Variants in SIPA1L3 observed in about 807,000 individuals in gnomAD.
SIPA1L3 encodes signal-induced proliferation-associated 1-like protein 3.
A neutral mutation model predicts 150.1 loss-of-function variants in SIPA1L3; 59 were observed. The ratio of observed to expected loss-of-function variants is 0.39; its 90% CI spans 0.32 to 0.49. The LOEUF (loss-of-function observed/expected upper bound fraction) is 0.49. SIPA1L3 is among the 20% of genes least tolerant of loss of function. The pLI is 0.86. For missense variants in SIPA1L3, 2,211 were observed against 2,489.5 expected (o/e 0.89, Z 2.38); for synonymous variants, 1,070 against 1,077.6 (o/e 0.99, Z 0.14).
chr19:38,138,215 G>A (rs543530853), intron 10 of SIPA1L3, among the ~76,000 whole-genome samples: 8 of 152,234 alleles, frequency 5.3e-5, no homozygotes, highest in East Asian at 3.9e-4. Flanking sequence ...ACCACTCTAC[G>A]GTGGGGCCAT....
At chr19:38,067,237 T>G (rs1182285670) in intron 2 of SIPA1L3, among the ~76,000 whole-genome samples, 2 of 151,968 alleles carry the variant, frequency 1.3e-5, no homozygotes, top group African/African-American at 4.8e-5. Context: ...ATTTAAAATT[T>G]TGATGCACAG....
intron 1 of SIPA1L3, chr19:37,932,260 G>A (rs867107263): frequency 1.4e-4 from 22 of 152,348 alleles, no homozygotes; most frequent in African/African-American, 5.1e-4. Flanking sequence ...GCCTGAATCC[G>A]AGGTAATAGG....
At chr19:38,049,772 T>C (rs1725460) in intron 2 of SIPA1L3, among the ~76,000 whole-genome samples, 61,397 of 151,802 alleles carry the variant, frequency 0.4, 14,034 homozygotes, top group African/African-American at 0.63. Flanking sequence ...CTGACCCGCG[T>C]TCCCCCGAGA....
At chr19:38,045,563 C>A (rs1036453636) in intron 2 of SIPA1L3, among the ~76,000 whole-genome samples, 3 of 151,886 alleles carry the variant, frequency 2.0e-5, no homozygotes, top group African/African-American at 4.8e-5. Flanking sequence ...CAGAGCAAGA[C>A]CTTGTCTCAG....
intron 3 of SIPA1L3, among the ~76,000 whole-genome samples, chr19:38,083,307 A>G (rs1213033483): frequency 6.6e-6 from 1 of 152,174 alleles, no homozygotes; most frequent in African/African-American, 2.4e-5. Flanking sequence ...AGCACTCCAT[A>G]AACCTTGAGC....
chr19:38,141,057 CAAAAAA>C lies in SIPA1L3; in HGVS notation c.3144-107_3144-102del, dbSNP rs551813100. Reference sequence around the variant, plus strand: ...TGGGCGACAAAGCAAGACTCTGTCTCAAAAAAAAAAAAAAAAAAAAAAAAAGCCATC... The same window carrying C: ...TGGGCGACAAAGCAAGACTCTGTCTCAAAAAAAAAAAAAAAAAAAGCCATC... On this transcript the variant is annotated intron_variant, in intron 10 of 21. Coordinates refer to ENST00000222345, the MANE Select transcript of SIPA1L3 (RefSeq NM_015073.3). 4.3e-3 allele frequency: 1,693 copies of C among 394,568 alleles called. 1 individual carries two copies. The highest frequency in any genetic ancestry group is 5.3e-3 in the East Asian group (88 of 16,536). 24.4% of individuals were successfully genotyped at this position (394,568 alleles called of 1,614,324 possible). A position where few individuals can be genotyped will look rare whatever the true frequency, so the allele number is the denominator to read the frequency against.
intron 8 of SIPA1L3, among the ~76,000 whole-genome samples, chr19:38,117,063 C>T (rs1308839375): frequency 6.6e-6 from 1 of 152,252 alleles, no homozygotes; most frequent in Non-Finnish European, 1.5e-5. Context: ...TTCTCCCTGT[C>T]CGGGCTCAGG....
intron 13 of SIPA1L3, among the ~76,000 whole-genome samples, chr19:38,158,181 C>T (rs1432240895): frequency 6.6e-6 from 1 of 151,694 alleles, no homozygotes; most frequent in African/African-American, 2.4e-5. Flanking sequence ...TGCAGTGAGC[C>T]GAGATTGTGC....
At chr19:38,056,672 A>C (rs900876254) in intron 2 of SIPA1L3, among the ~76,000 whole-genome samples, 11 of 152,256 alleles carry the variant, frequency 7.2e-5, no homozygotes, top group African/African-American at 2.4e-4. Context: ...ATCTCAGGAA[A>C]TACTCACCTA....
At chr19:37,936,731 T>C (rs2046604218) in intron 1 of SIPA1L3, among the ~76,000 whole-genome samples, 1 of 152,198 alleles carries the variant, frequency 6.6e-6, no homozygotes, top group Admixed American at 6.5e-5. Context: ...TGAGATGCAG[T>C]CTCTCCTGGT....
chr19:37,942,212 GAC>G (rs2046665793), intron 1 of SIPA1L3, among the ~76,000 whole-genome samples: 2 of 152,048 alleles, frequency 1.3e-5, no homozygotes, highest in African/African-American at 4.8e-5. Flanking sequence ...TAGGTTGGGG[GAC>G]ACAGTCAAGG....
chr19:38,009,024 G>GT (rs895977474), intron 1 of SIPA1L3, among the ~76,000 whole-genome samples: 24 of 151,088 alleles, frequency 1.6e-4, no homozygotes, highest in South Asian at 4.2e-4. Flanking sequence ...TTCTGGCCTG[G>GT]TTTTTTTTTG....
chr19:38,109,303 A>G (rs1970688722), intron 7 of SIPA1L3: 2 of 152,194 alleles, frequency 1.3e-5, no homozygotes, highest in African/African-American at 4.8e-5. Flanking sequence ...GGGGAACCAC[A>G]CTTTTATAAA....
chr19:38,152,918 T>C lies in SIPA1L3; in HGVS notation c.3612T>C (p.Ser1204=). 1 of 1,613,764 alleles carries C rather than the reference T, an allele frequency of 6.2e-7. No individual in the cohort carries two copies. The highest frequency in any genetic ancestry group is 8.5e-7 in the Non-Finnish European group (1 of 1,179,872). The change falls in exon 13 of 22, where the codon TCT becomes TCC. Residue 1204 remains serine (S), a synonymous_variant. Transcript: ENST00000222345. ...SHDGTSSGDS[S]SGGLTSQEST... Reference sequence around the variant, plus strand: ...ATGGGACGTCCAGCGGCGACTCCTCTTCCGGCGGCCTGACCAGCCAGGAGA... The same window carrying C: ...ATGGGACGTCCAGCGGCGACTCCTCCTCCGGCGGCCTGACCAGCCAGGAGA...
At chr19:38,116,684 T>C (rs1970893256) in intron 8 of SIPA1L3, among the ~76,000 whole-genome samples, 2 of 151,116 alleles carry the variant, frequency 1.3e-5, no homozygotes, top group Non-Finnish European at 2.9e-5. Context: ...CCCATCCCCA[T>C]CTCTACCAAA....
intron 12 of SIPA1L3, among the ~76,000 whole-genome samples, chr19:38,148,365 A>T (rs983154873): frequency 6.6e-6 from 1 of 151,052 alleles, no homozygotes; most frequent in Admixed American, 6.6e-5. Context: ...AAAAAAAAAA[A>T]GTTGGGGGAA....
intron 1 of SIPA1L3, among the ~76,000 whole-genome samples, chr19:37,920,058 ATT>A (rs770521761): frequency 3.8e-4 from 46 of 119,498 alleles, no homozygotes; most frequent in Admixed American, 7.7e-4. Flanking sequence ...TTGGTTTGTA[ATT>A]TTTTTTTTTT....
intron 1 of SIPA1L3, among the ~76,000 whole-genome samples, chr19:37,950,748 C>T (rs532502204): frequency 3.3e-5 from 5 of 152,372 alleles, no homozygotes; most frequent in African/African-American, 1.2e-4. Flanking sequence ...GTCTGATCCG[C>T]CTGTCCCCAG....
At chr19:38,170,096 CT>C (rs1020477280) in intron 15 of SIPA1L3, among the ~76,000 whole-genome samples, 15 of 152,008 alleles carry the variant, frequency 9.9e-5, no homozygotes, top group Non-Finnish European at 1.3e-4. Flanking sequence ...GGGGGCCCCC[CT>C]AACCCAGTTG....
Sources: gnomAD v4.1 joint callset for allele counts (sites outside exome capture counted in the v4.1 genomes callset) on GRCh38, gnomAD v4.1.1 for gene constraint, MANE v1.5 for transcripts, NCBI Gene and HGNC (gene_info 2026-07-23, HGNC 2026-07-21) for gene names.